ATP6V1H: variants seen among roughly 807,000 people sequenced by gnomAD.
The protein encoded by ATP6V1H is ATPase H+ transporting V1 subunit H.
Under a neutral mutation model 71.7 loss-of-function variants are expected in ATP6V1H, and 39 were observed. The ratio of observed to expected loss-of-function variants is 0.54; its 90% CI spans 0.42 to 0.71. The LOEUF (loss-of-function observed/expected upper bound fraction) is 0.71. Among genes scored for constraint, ATP6V1H ranks in the 30% least tolerant of loss-of-function variants. The probability of loss-of-function intolerance (pLI) is 0.00; values close to 1 mark genes in which losing one functional copy is unlikely to be tolerated. For missense variants in ATP6V1H, 509 were observed against 594.9 expected (o/e 0.86, Z 1.50); for synonymous variants, 192 against 199.3 (o/e 0.96, Z 0.31).
chr8:53,841,196 C>T (rs1189906474), intron 2 of ATP6V1H, among the ~76,000 whole-genome samples: 2 of 152,148 alleles, frequency 1.3e-5, no homozygotes, highest in Non-Finnish European at 2.9e-5. Context: ...TTGTATGCAC[C>T]ACTCTAAAAA....
intron 9 of ATP6V1H, among the ~76,000 whole-genome samples, chr8:53,777,569 T>G (rs375469754): frequency 9.2e-5 from 14 of 152,210 alleles, no homozygotes; most frequent in African/African-American, 3.4e-4. Context: ...TAACCTGAGA[T>G]AATCAGTCAC....
chr8:53,818,842 A>C (rs1451396065), intron 4 of ATP6V1H, among the ~76,000 whole-genome samples: 1 of 152,228 alleles, frequency 6.6e-6, no homozygotes, highest in Non-Finnish European at 1.5e-5. Context: ...TAAATAGCAC[A>C]AGGAATTATG....
intron 9 of ATP6V1H, among the ~76,000 whole-genome samples, chr8:53,791,862 T>G (rs762776440): frequency 1.6e-4 from 24 of 152,206 alleles, no homozygotes; most frequent in Non-Finnish European, 8.8e-5. Context: ...CAGCTCTATG[T>G]TGGTCATCTG....
chr8:53,797,569 T>A (rs1426812572), intron 8 of ATP6V1H, among the ~76,000 whole-genome samples: 2 of 152,124 alleles, frequency 1.3e-5, no homozygotes, highest in Non-Finnish European at 2.9e-5. Flanking sequence ...CAGCCCCTCC[T>A]CCAAGCATGC....
At chr8:53,780,715 G>C (rs186768751) in intron 9 of ATP6V1H, among the ~76,000 whole-genome samples, 1 of 151,396 alleles carries the variant, frequency 6.6e-6, no homozygotes, top group African/African-American at 2.4e-5. Context: ...AACAGCCCCC[G>C]GTGTGTGATG....
At chr8:53,806,321 A>G (rs763427271) in intron 7 of ATP6V1H, among the ~76,000 whole-genome samples, 1 of 152,156 alleles carries the variant, frequency 6.6e-6, no homozygotes, top group Non-Finnish European at 1.5e-5. Flanking sequence ...TGTAAAATAT[A>G]CTATTATTAT....
At chr8:53,747,658 G>A (rs1807654586) in intron 12 of ATP6V1H, among the ~76,000 whole-genome samples, 1 of 151,734 alleles carries the variant, frequency 6.6e-6, no homozygotes, top group South Asian at 2.1e-4. Flanking sequence ...TCCTGCCCAA[G>A]CCTCCCGAGT....
chr8:53,789,439 G>A (rs963305037), intron 9 of ATP6V1H, among the ~76,000 whole-genome samples: 2 of 152,072 alleles, frequency 1.3e-5, no homozygotes, highest in Non-Finnish European at 2.9e-5. Flanking sequence ...TTGGGAGGCC[G>A]AAGCAGGCAC....
chr8:53,841,422 C>G (rs1321679672), intron 2 of ATP6V1H, among the ~76,000 whole-genome samples, 156 bp downstream of exon 2: 7 of 152,220 alleles, frequency 4.6e-5, no homozygotes, highest in Admixed American at 4.6e-4. Context: ...CCCCACTACA[C>G]TTAACTCCCT....
At chr8:53,743,802 A>AAG in intron 12 of ATP6V1H, 112 bp from the exon 13 acceptor site, 1 of 654,702 alleles carries the variant, frequency 1.5e-6, no homozygotes, top group South Asian at 2.0e-5. Context: ...AATGTACGTA[A>AAG]ATAAACCAAA....
chr8:53,770,029 ATG>A (rs1808599473), intron 10 of ATP6V1H, among the ~76,000 whole-genome samples: 1 of 152,166 alleles, frequency 6.6e-6, no homozygotes, highest in African/African-American at 2.4e-5. Context: ...CAATATATAC[ATG>A]AATGTGTATA....
At chr8:53,805,090 TA>T in intron 7 of ATP6V1H, among the ~76,000 whole-genome samples, 1 of 152,316 alleles carries the variant, frequency 6.6e-6, no homozygotes, top group South Asian at 2.1e-4. Context: ...ATGTACAAAG[TA>T]AAACTAATGT....
At chr8:53,765,013 G>C (rs1808401584) in intron 11 of ATP6V1H, among the ~76,000 whole-genome samples, 1 of 152,108 alleles carries the variant, frequency 6.6e-6, no homozygotes, top group Admixed American at 6.5e-5. Flanking sequence ...GCTGAGATGG[G>C]AGGATCTCTT....
chr8:53,727,582 G>T (rs1044447890), intron 13 of ATP6V1H, among the ~76,000 whole-genome samples: 6 of 152,272 alleles, frequency 3.9e-5, no homozygotes, highest in Non-Finnish European at 5.9e-5. Context: ...TACAATTGCA[G>T]GGAGTTAATC....
At chr8:53,838,749 T>C (rs1481109080) in intron 2 of ATP6V1H, among the ~76,000 whole-genome samples, 2 of 152,210 alleles carry the variant, frequency 1.3e-5, no homozygotes, top group African/African-American at 2.4e-5. Context: ...TAATCAAATA[T>C]AAATACATGT....
At position 53,812,797 on chromosome 8, in the gene ATP6V1H, T is replaced by C. The variant is rs576202110; in HGVS notation, c.526-1580A>G. Among the ~76,000 whole-genome samples the C allele has an allele frequency of 3.7e-4, 57 of 152,286 alleles. 1 individual carries two copies. The South Asian group carries it at 0.011, about 30-fold the overall frequency. On this transcript the variant is annotated intron_variant, in intron 6 of 13. Transcript: ENST00000359530. ...CAGCCTCAACCTCCTCAGGCTCAGG[T>C]GATCCTTCTGCCTCAGCCTGCTGAG...
rs1054380388 is a variant in ATP6V1H, at chr8:53,837,173, A to T, written c.114-4087T>A. ...AAAAAAAAGAGAGAGTGAATAGGAT[A>T]GAAAAACCTATGTCACTGTATTTCT... On this transcript the variant is annotated intron_variant, in intron 2 of 13. Transcript: ENST00000359530. Among the ~76,000 whole-genome samples, 9 of 152,220 alleles carry T rather than the reference A, an allele frequency of 5.9e-5. No homozygotes were observed. The East Asian group carries it at 1.7e-3, about 29-fold the overall frequency.
At chr8:53,791,841 C>T (rs769729264) in intron 9 of ATP6V1H, among the ~76,000 whole-genome samples, 37 of 152,306 alleles carry the variant, frequency 2.4e-4, no homozygotes, top group Non-Finnish European at 4.3e-4. Context: ...AACCATAAGA[C>T]CTTCGATGTC....
intron 13 of ATP6V1H, among the ~76,000 whole-genome samples, chr8:53,717,132 C>T (rs1325809119): frequency 1.3e-5 from 2 of 152,160 alleles, no homozygotes; most frequent in South Asian, 2.1e-4. Context: ...TGGGGGCCAC[C>T]GATGTACACA....
Sources: allele counts gnomAD v4.1 joint callset (sites outside exome capture counted in the v4.1 genomes callset), GRCh38; gene constraint gnomAD v4.1.1; transcripts MANE v1.5; gene names NCBI Gene and HGNC (gene_info 2026-07-23, HGNC 2026-07-21).